Variants in PPP1R2 observed in about 807,000 individuals in gnomAD.
PPP1R2 encodes protein phosphatase inhibitor 2.
Under a neutral mutation model 29.9 loss-of-function variants are expected in PPP1R2, and 16 were observed. The observed-to-expected ratio is 0.53, with a 90% CI of 0.36 to 0.81. PPP1R2 has a LOEUF of 0.81. Ranked by LOEUF, PPP1R2 falls within the 30% of genes least tolerant of loss-of-function variation. The pLI, the probability that PPP1R2 is intolerant of heterozygous loss-of-function variation, is 0.00. For synonymous variants in PPP1R2, 76 were observed against 91.5 expected, an observed-to-expected ratio of 0.83 and a Z score of 0.96; for missense variants, 197 against 252.7, an observed-to-expected ratio of 0.78 and a Z score of 1.49.
intron 1 of PPP1R2, among the ~76,000 whole-genome samples, chr3:195,536,133 G>A (rs1041357022): frequency 6.6e-6 from 1 of 151,946 alleles, no homozygotes; most frequent in Non-Finnish European, 1.5e-5. Context: ...TTACCTGTAA[G>A]GCTTTCAGTC....
chr3:195,530,523 T>C (rs1048576002), intron 1 of PPP1R2, among the ~76,000 whole-genome samples: 2 of 152,150 alleles, frequency 1.3e-5, no homozygotes, highest in Non-Finnish European at 2.9e-5. Flanking sequence ...TCTAAGTACT[T>C]TATTATTTTT....
chr3:195,521,959 T>C (rs73196127), intron 4 of PPP1R2, among the ~76,000 whole-genome samples: 12 of 152,046 alleles, frequency 7.9e-5, no homozygotes, highest in African/African-American at 2.9e-4. Flanking sequence ...CCATCATGAT[T>C]CTTAATAAGT....
rs957064931 is a variant in PPP1R2 at position 195,514,639 on chromosome 3, T to A, written c.*2257A>T. Reference sequence around the variant, plus strand: ...AACAGACAAGGTAACACCAAATAGTTAAGCACAGAAAGTGATACTGATTAA... The same window carrying A: ...AACAGACAAGGTAACACCAAATAGTAAAGCACAGAAAGTGATACTGATTAA... On this transcript the variant is annotated 3_prime_UTR_variant, in exon 6 of 6. Transcript: ENST00000618156. The A allele has an allele frequency of 1.6e-4, 25 of 152,190 alleles. No homozygotes were observed. The highest frequency in any genetic ancestry group is 5.6e-4 in the African/African-American group (23 of 41,440). 9.4% of individuals were successfully genotyped at this position (152,190 alleles called of 1,614,324 possible). A position where few individuals can be genotyped will look rare whatever the true frequency, so the allele number is the denominator to read the frequency against.
chr3:195,528,064 T>C (rs987017870), intron 2 of PPP1R2, among the ~76,000 whole-genome samples: 6 of 152,138 alleles, frequency 3.9e-5, no homozygotes, highest in African/African-American at 9.7e-5. Context: ...AGTTCTTCAG[T>C]GGTAATTGCT....
Position 195,521,314 on chromosome 3 carries a change from CAAAAAAAAAA to C in PPP1R2, c.404-2139_404-2130del, listed in dbSNP as rs869228346. Among the ~76,000 whole-genome samples, 10 of 56,676 alleles carry C rather than the reference CAAAAAAAAAA, an allele frequency of 1.8e-4. No homozygotes were observed. The South Asian group carries it at 3.0e-3, about 17-fold the overall frequency. The allele number at this position is 56,676 out of a possible 152,430, so 37.2% of individuals were successfully genotyped here. ...TGGGCGACAGAGCAGGACTCTGTCT[CAAAAAAAAAA>C]AAAAAAAAAAAAAAGAACTGCAATA... On this transcript the variant is annotated intron_variant, in intron 4 of 5. Coordinates refer to ENST00000618156, the MANE Select transcript of PPP1R2 (RefSeq NM_006241.8).
chr3:195,530,273 T>C (rs1250710064), intron 1 of PPP1R2, among the ~76,000 whole-genome samples: 2 of 152,216 alleles, frequency 1.3e-5, no homozygotes, highest in Admixed American at 6.5e-5. Flanking sequence ...TCAGTAACTG[T>C]TCGGTAAAAA....
At chr3:195,542,602 C>G (rs1719636994) in intron 1 of PPP1R2, among the ~76,000 whole-genome samples, 1 of 152,024 alleles carries the variant, frequency 6.6e-6, no homozygotes, top group Admixed American at 6.6e-5. Context: ...ATAGTAAAAG[C>G]TTAACAGTCG....
Position 195,523,683 on chromosome 3 carries a change from A to C in PPP1R2, c.403+9T>G. The stretch of plus-strand genomic sequence containing the variant: ...CACCATGATGAAAGCAGTAAAGGAA[A>C]TAAACTACCTCGTTCTTCAGGTGAG... On this transcript the variant is annotated intron_variant, in intron 4 of 5. Coordinates refer to ENST00000618156, the MANE Select transcript of PPP1R2 (RefSeq NM_006241.8). 2 of 1,608,746 alleles carry C rather than the reference A, an allele frequency of 1.2e-6. No homozygotes were observed. Among genetic ancestry groups the C allele is most frequent in the Non-Finnish European group, 1.7e-6 (2 of 1,175,336 alleles).
At chr3:195,517,456 C>T (rs1156811661) in intron 5 of PPP1R2, among the ~76,000 whole-genome samples, 1 of 152,006 alleles carries the variant, frequency 6.6e-6, no homozygotes, top group Non-Finnish European at 1.5e-5. Context: ...TACTTATTTC[C>T]CTAAGTCTTA....
chr3:195,524,540 C>T (rs1322355010), intron 3 of PPP1R2, among the ~76,000 whole-genome samples: 1 of 152,066 alleles, frequency 6.6e-6, no homozygotes, highest in Non-Finnish European at 1.5e-5. Context: ...ACAAATAAAA[C>T]CCCCCACAGG....
chr3:195,537,438 T>C (rs823513), intron 1 of PPP1R2, among the ~76,000 whole-genome samples: 86 of 149,730 alleles, frequency 5.7e-4, no homozygotes, highest in African/African-American at 2.0e-3. Context: ...GGACTGTTTG[T>C]AACGTCCCCA....
chr3:195,532,215 C>CTTTTTTTTTT (rs146508182), intron 1 of PPP1R2, among the ~76,000 whole-genome samples: 1 of 120,174 alleles, frequency 8.3e-6, no homozygotes, highest in Non-Finnish European at 1.7e-5. Context: ...TTTTCTTTTT[C>CTTTTTTTTTT]TTTTTTTTTT....
intron 1 of PPP1R2, among the ~76,000 whole-genome samples, chr3:195,537,582 A>C (rs999484759): frequency 6.7e-6 from 1 of 149,562 alleles, no homozygotes. Flanking sequence ...TAATTTCCTC[A>C]TGTGAATTAT....
chr3:195,519,916 TTAA>T (rs1458865826), intron 4 of PPP1R2, among the ~76,000 whole-genome samples: 3 of 46,734 alleles, frequency 6.4e-5, no homozygotes, highest in African/African-American at 3.1e-4. Context: ...GATCAGAAAA[TTAA>T]AAAAAAAAAA....
In PPP1R2 at chr3:195,519,008, A is replaced by G. The variant is rs17847362; in HGVS notation, c.571+10T>C. The stretch of plus-strand genomic sequence containing the variant: ...ACAAAAGTCTCAGTGACATTTTCCA[A>G]ACATCTAACCTTGATTTGATTCTTC... On this transcript the variant is annotated intron_variant, in intron 5 of 5. Transcript: ENST00000618156. The G allele has an allele frequency of 0.37, 588,869 of 1,608,028 alleles. 112,230 individuals carry two copies. The highest frequency in any genetic ancestry group is 0.42 in the African/African-American group (31,578 of 74,822).
chr3:195,520,222 T>TA (rs1718702597), intron 4 of PPP1R2, among the ~76,000 whole-genome samples: 2 of 152,074 alleles, frequency 1.3e-5, no homozygotes, highest in Admixed American at 1.3e-4. Flanking sequence ...GTTGGCCAGG[T>TA]TGGTCTCCAA....
intron 1 of PPP1R2, among the ~76,000 whole-genome samples, chr3:195,534,928 T>C (rs755426319): frequency 3.9e-5 from 6 of 152,116 alleles, no homozygotes; most frequent in Non-Finnish European, 7.4e-5. Context: ...ACCCTATGAG[T>C]TCAACCCTAT....
chr3:195,528,211 A>G (rs141070069), intron 2 of PPP1R2, among the ~76,000 whole-genome samples: 42 of 152,286 alleles, frequency 2.8e-4, no homozygotes, highest in African/African-American at 9.4e-4. Flanking sequence ...GCTCCCGCTT[A>G]TAAGTGAGAA....
chr3:195,534,010 T>C (rs1719282326), intron 1 of PPP1R2, among the ~76,000 whole-genome samples: 1 of 152,124 alleles, frequency 6.6e-6, no homozygotes, highest in Admixed American at 6.6e-5. Context: ...CCAGAGGCCA[T>C]TAAGAAAATC....
Sources: allele counts gnomAD v4.1 joint callset (sites outside exome capture counted in the v4.1 genomes callset), GRCh38; gene constraint gnomAD v4.1.1; transcripts MANE v1.5; gene names NCBI Gene and HGNC (gene_info 2026-07-23, HGNC 2026-07-21).